Variants in NUP214 observed in about 807,000 individuals in gnomAD.
NUP214 encodes nuclear pore complex protein Nup214.
A neutral mutation model predicts 196.2 loss-of-function variants in NUP214; 79 were observed. The ratio of observed to expected loss-of-function variants is 0.40; its 90% CI spans 0.34 to 0.49. NUP214 has a LOEUF of 0.49. NUP214 is among the 20% of genes least tolerant of loss of function. The pLI is 0.58. For missense variants in NUP214, 2,468 were observed against 2,539.0 expected, an observed-to-expected ratio of 0.97 and a Z score of 0.60; for synonymous variants, 1,020 against 990.5, an observed-to-expected ratio of 1.03 and a Z score of -0.56.
At position 131,139,330 on chromosome 9, in the gene NUP214, C is replaced by T; in HGVS notation, c.1055C>T (p.Pro352Leu). The T allele has an allele frequency of 6.3e-7, 1 of 1,589,410 alleles. No homozygotes were observed. The highest frequency in any genetic ancestry group is 8.5e-7 in the Non-Finnish European group (1 of 1,171,112). ...GAGGATTCTAGTCGAGCTGAATTGC[C>T]TGTGACAGACAAGAGTGATGACTCC... is the stretch of plus-strand genomic sequence containing the variant. ...LLEDSSRAEL[P>L]VTDKSDDSLP... Residue 352 changes from proline (P) to leucine (L), a missense_variant, in exon 10 of 36, where the codon CCT (proline) becomes CTT (leucine). Pro to Leu is a moderately conservative substitution (Grantham distance 98). Coordinates refer to ENST00000359428, the MANE Select transcript of NUP214 (RefSeq NM_005085.4).
At chr9:131,194,356 G>T (rs755559391) in intron 27 of NUP214, among the ~76,000 whole-genome samples, 14 of 151,844 alleles carry the variant, frequency 9.2e-5, no homozygotes, top group Non-Finnish European at 1.6e-4. Flanking sequence ...TTAATTTTTC[G>T]GTTTTGGTTT....
rs751509859 is a variant in NUP214 at position 131,140,536 on chromosome 9, T to A, written c.1133-13T>A. ...TCACTTGGTTTTTTTATTTTTGTTT[T>A]CTTTTTTAACAGGTGATGAAAAGAC... On this transcript the variant is annotated splice_polypyrimidine_tract_variant and intron_variant, in intron 10 of 35. Transcript: ENST00000359428. The A allele has an allele frequency of 1.0e-5, 16 of 1,590,730 alleles. No homozygotes were observed. The South Asian group carries it at 1.9e-4, about 18-fold the overall frequency.
intron 21 of NUP214, among the ~76,000 whole-genome samples, chr9:131,166,661 G>C (rs1588142835): frequency 6.6e-6 from 1 of 152,188 alleles, no homozygotes; most frequent in Non-Finnish European, 1.5e-5. Context: ...TCAAGAAACA[G>C]AATATTGCCG....
At chr9:131,169,024 G>GTTTTTTTT (rs539553381) in intron 21 of NUP214, among the ~76,000 whole-genome samples, 3 of 48,906 alleles carry the variant, frequency 6.1e-5, no homozygotes, top group African/African-American at 2.0e-4. Context: ...TGCTTACTTT[G>GTTTTTTTT]TTTTTTTTTG....
At chr9:131,216,576 A>G (rs1229850375) in intron 31 of NUP214, among the ~76,000 whole-genome samples, 5 of 136,048 alleles carry the variant, frequency 3.7e-5, no homozygotes, top group Non-Finnish European at 7.7e-5. Flanking sequence ...TCTGTCACCC[A>G]GGCTGGAGTG....
At chr9:131,169,360 T>C (rs1195619209) in intron 21 of NUP214, among the ~76,000 whole-genome samples, 2 of 152,092 alleles carry the variant, frequency 1.3e-5, no homozygotes, top group African/African-American at 4.8e-5. Context: ...TTAAATAAAA[T>C]TGCAAGGCAA....
At chr9:131,178,893 C>T (rs778808885) in intron 24 of NUP214, among the ~76,000 whole-genome samples, 2 of 152,082 alleles carry the variant, frequency 1.3e-5, no homozygotes, top group Non-Finnish European at 2.9e-5. Context: ...GAGACTTTAG[C>T]TTCTCTGCCA....
At position 131,163,914 on chromosome 9, in the gene NUP214, C is replaced by A; in HGVS notation, c.2768C>A (p.Thr923Asn). 6.2e-7 allele frequency: 1 copy of A among 1,614,164 alleles called. No homozygotes were observed. The highest frequency in any genetic ancestry group is 8.5e-7 in the Non-Finnish European group (1 of 1,180,002). Residue 923 changes from threonine (T) to asparagine (N), a missense_variant, in exon 20 of 36, where the codon ACC becomes AAC. By Grantham distance (65) the Thr-to-Asn change is moderately conservative. This residue lies in a region of NUP214 where 1,801 missense variants were observed against 1,779.4 expected (regional missense o/e 1.01). Coordinates refer to ENST00000359428, the MANE Select transcript of NUP214 (RefSeq NM_005085.4). ...LESLCNALLK[T>N]TIESHTKSLP... ...AGCCTGTGCAATGCTTTGTTGAAAA[C>A]CACCATAGAATCTCACACCAAATCC...
chr9:131,228,154 G>A lies in NUP214; in HGVS notation c.5903-6G>A. The A allele has an allele frequency of 1.3e-6, 2 of 1,569,234 alleles. No homozygotes were observed. Among genetic ancestry groups the A allele is most frequent in the South Asian group, 1.2e-5 (1 of 85,312 alleles). Reference sequence around the variant, plus strand: ...ATTTCTGTTTGTTTGCCTCTGTTTTGCTCAGGTGGCTTCGGTGCTGCTCCA... The same window carrying A: ...ATTTCTGTTTGTTTGCCTCTGTTTTACTCAGGTGGCTTCGGTGCTGCTCCA... On this transcript the variant is annotated splice_polypyrimidine_tract_variant and splice_region_variant and intron_variant, in intron 32 of 35. Coordinates refer to ENST00000359428, the MANE Select transcript of NUP214 (RefSeq NM_005085.4).
In NUP214 at chr9:131,149,985, G is replaced by A. The variant is rs78507181; in HGVS notation, c.2041-339G>A. 2.4e-3 allele frequency: 413 copies of A among 169,324 alleles called. 4 individuals are homozygous for A. Among genetic ancestry groups the A allele is most frequent in the African/African-American group, 9.6e-3 (403 of 41,990 alleles). 10.5% of individuals were successfully genotyped at this position (169,324 alleles called of 1,614,324 possible). A position where few individuals can be genotyped will look rare whatever the true frequency, so the allele number is the denominator to read the frequency against. ...GGCAGCCCGCAGTGAGGGCTTTCTT[G>A]GCCATCTCATCTGAAGTAGTGCCCT... On this transcript the variant is annotated intron_variant, in intron 14 of 35. Coordinates refer to ENST00000359428, the MANE Select transcript of NUP214 (RefSeq NM_005085.4).
At position 131,133,048 on chromosome 9, in the gene NUP214, T is replaced by C. The variant is rs578039840; in HGVS notation, c.728-58T>C. 1.1e-5 allele frequency: 15 copies of C among 1,328,344 alleles called. No individual in the cohort carries two copies. In the African/African-American group the frequency reaches 1.9e-4, roughly 17 times the overall value. The allele number at this position is 1,328,344 out of a possible 1,614,324, so 82.3% of individuals were successfully genotyped here. On this transcript the variant is annotated intron_variant, in intron 6 of 35. Transcript: ENST00000359428. ...TGGCTATTCCAAACATAAGCTGCTT[T>C]TTCTTGTATCTGGTTGCTGTCATTT...
chr9:131,173,841 C>T (rs909886963), intron 21 of NUP214, among the ~76,000 whole-genome samples: 3 of 152,146 alleles, frequency 2.0e-5, no homozygotes, highest in East Asian at 3.8e-4. Flanking sequence ...AAGATGTTCT[C>T]GTTCACACAC....
chr9:131,222,257 A>G (rs1017011988), intron 31 of NUP214, among the ~76,000 whole-genome samples: 1 of 152,252 alleles, frequency 6.6e-6, no homozygotes, highest in African/African-American at 2.4e-5. Flanking sequence ...AGCCATAAGC[A>G]TGCTGAACTT....
chr9:131,185,341 CT>C (rs1472539586), intron 24 of NUP214, among the ~76,000 whole-genome samples: 2 of 152,236 alleles, frequency 1.3e-5, no homozygotes, highest in Non-Finnish European at 2.9e-5. Flanking sequence ...TTTCCAGACT[CT>C]TAGTGATCTG....
intron 31 of NUP214, among the ~76,000 whole-genome samples, chr9:131,216,823 G>A (rs1186760085): frequency 2.0e-5 from 3 of 152,132 alleles, no homozygotes; most frequent in African/African-American, 7.2e-5. Flanking sequence ...CACCGTGCTC[G>A]GCCTTAAAAG....
intron 24 of NUP214, among the ~76,000 whole-genome samples, chr9:131,184,850 C>T (rs913516218): frequency 7.2e-5 from 11 of 152,282 alleles, no homozygotes; most frequent in Non-Finnish European, 1.0e-4. Context: ...ATGTCAAAAA[C>T]GCCCAAGAAT....
Position 131,165,804 on chromosome 9 carries a change from C to A in NUP214, c.2893+1660C>A, listed in dbSNP as rs188057566. On this transcript the variant is annotated intron_variant, in intron 21 of 35. Transcript: ENST00000359428. ...TCAGTCTTTAAAAAGGAATTTTTGA[C>A]ACATGTTACAATATAAGTGAACCTT... Among the ~76,000 whole-genome samples the A allele has an allele frequency of 3.3e-5, 5 of 152,270 alleles. No individual in the cohort carries two copies. The East Asian group carries it at 9.6e-4, about 29-fold the overall frequency.
At chr9:131,176,938 CA>C (rs536167573) in intron 23 of NUP214, among the ~76,000 whole-genome samples, 6 of 148,172 alleles carry the variant, frequency 4.0e-5, no homozygotes, top group South Asian at 2.1e-4. Context: ...AGGAATGCTG[CA>C]AAAAAAAAAT....
At chr9:131,228,465 C>A (rs1457719694) in intron 33 of NUP214, 134 bp downstream of exon 33, 3 of 798,528 alleles carry the variant, frequency 3.8e-6, no homozygotes, top group Admixed American at 7.6e-5. Context: ...ACAACTCCCT[C>A]AAGGATTCCT....
Sources: gnomAD v4.1 joint callset for allele counts (sites outside exome capture counted in the v4.1 genomes callset) on GRCh38, gnomAD v4.1.1 for gene constraint, gnomAD v4.1.1 regional missense constraint, MANE v1.5 for transcripts, NCBI Gene and HGNC (gene_info 2026-07-23, HGNC 2026-07-21) for gene names.